Variants in ZNF730 observed in about 807,000 individuals in gnomAD.
The protein encoded by ZNF730 is zinc finger protein 730.
Under a neutral mutation model 12.6 loss-of-function variants are expected in ZNF730, and 12 were observed. The observed-to-expected ratio is 0.95, with a 90% CI of 0.61 to 1.54. ZNF730 has a LOEUF of 1.54. ZNF730 is among the 40% of genes most tolerant of loss of function. The probability of loss-of-function intolerance (pLI) is 0.00; values close to 1 mark genes in which losing one functional copy is unlikely to be tolerated. For missense variants in ZNF730, 643 were observed against 583.5 expected (o/e 1.10, Z -1.05); for synonymous variants, 194 against 195.8 (o/e 0.99, Z 0.08).
intron 1 of ZNF730, among the ~76,000 whole-genome samples, chr19:23,092,877 C>A (rs1479480364): frequency 6.6e-6 from 1 of 152,162 alleles, no homozygotes; most frequent in African/African-American, 2.4e-5. Context: ...ATCAAAGATA[C>A]TTACCTGAAG....
chr19:23,131,562 T>G (rs947322013), intron 1 of ZNF730, among the ~76,000 whole-genome samples: 2 of 152,240 alleles, frequency 1.3e-5, no homozygotes, highest in Non-Finnish European at 2.9e-5. Context: ...GCAAAGATTA[T>G]AATACTTTAA....
At chr19:23,105,982 G>A (rs559140515) in intron 1 of ZNF730, among the ~76,000 whole-genome samples, 1 of 152,296 alleles carries the variant, frequency 6.6e-6, no homozygotes, top group African/African-American at 2.4e-5. Flanking sequence ...TGGCATTGTA[G>A]AAAAAGAAAG....
chr19:23,077,241 G>A (rs1208742093), intron 1 of ZNF730, among the ~76,000 whole-genome samples: 3 of 151,978 alleles, frequency 2.0e-5, no homozygotes, highest in Non-Finnish European at 1.5e-5. Context: ...TCATACCTGG[G>A]TGATGAAATA....
intron 1 of ZNF730, among the ~76,000 whole-genome samples, chr19:23,081,766 T>G (rs143833587): frequency 8.7e-4 from 133 of 152,276 alleles, no homozygotes; most frequent in African/African-American, 3.1e-3. Flanking sequence ...TATCTTTTAT[T>G]TATTTGTTTA....
Position 23,146,854 on chromosome 19 carries a change from A to T in ZNF730, c.*298A>T. ...GCCTTTAACAAATCCTTAATTCTTA[A>T]CAGACATGATTCATACCAGAGAGAA... is the stretch of plus-strand genomic sequence containing the variant. On this transcript the variant is annotated 3_prime_UTR_variant, in exon 4 of 4. Transcript: ENST00000597761. 1.3e-6 allele frequency: 1 copy of T among 747,584 alleles called. No individual in the cohort carries two copies. The highest frequency in any genetic ancestry group is 1.6e-5 in the South Asian group (1 of 62,710). 46.3% of individuals were successfully genotyped at this position (747,584 alleles called of 1,614,324 possible). A position where few individuals can be genotyped will look rare whatever the true frequency, so the allele number is the denominator to read the frequency against.
At chr19:23,088,386 G>C (rs767695659) in intron 1 of ZNF730, among the ~76,000 whole-genome samples, 2 of 152,154 alleles carry the variant, frequency 1.3e-5, no homozygotes, top group Non-Finnish European at 2.9e-5. Context: ...CTGTGGGTTT[G>C]TCATAGATGT....
chr19:23,092,286 A>G (rs1005431650), intron 1 of ZNF730, among the ~76,000 whole-genome samples: 3 of 152,086 alleles, frequency 2.0e-5, no homozygotes, highest in African/African-American at 4.8e-5. Flanking sequence ...AACAGCATGA[A>G]AACAGATTAA....
intron 2 of ZNF730, among the ~76,000 whole-genome samples, chr19:23,135,665 C>G (rs974024716): frequency 1.3e-5 from 2 of 152,104 alleles, no homozygotes; most frequent in Admixed American, 1.3e-4. Flanking sequence ...CGTGTGCCAC[C>G]ACACCTAGCT....
intron 1 of ZNF730, chr19:23,127,502 G>C (rs1970685116): frequency 2.1e-6 from 2 of 973,650 alleles, no homozygotes; most frequent in Middle Eastern, 3.1e-4. Flanking sequence ...ATCAAAATCA[G>C]CTCTTGGTGG....
intron 1 of ZNF730, among the ~76,000 whole-genome samples, chr19:23,129,208 C>G: frequency 6.6e-6 from 1 of 152,192 alleles, no homozygotes; most frequent in Non-Finnish European, 1.5e-5. Context: ...AGAGTCCTTA[C>G]TGGGGCACCG....
At chr19:23,098,352 C>T (rs767469968) in intron 1 of ZNF730, 6 of 152,092 alleles carry the variant, frequency 3.9e-5, no homozygotes, top group Non-Finnish European at 7.4e-5. Context: ...TATGTGAATC[C>T]TCTTCTTCCC....
chr19:23,128,850 G>A (rs453923), intron 1 of ZNF730, among the ~76,000 whole-genome samples: 2 of 152,180 alleles, frequency 1.3e-5, no homozygotes, highest in Non-Finnish European at 2.9e-5. Context: ...AGGCCTAAAA[G>A]AAAAAGACGG....
intron 1 of ZNF730, among the ~76,000 whole-genome samples, chr19:23,075,891 A>G (rs1027445437): frequency 2.0e-5 from 3 of 151,970 alleles, no homozygotes; most frequent in African/African-American, 7.3e-5. Flanking sequence ...CTGGCCTAAT[A>G]TATTAATTTA....
chr19:23,097,016 G>C (rs1413763570), intron 1 of ZNF730, among the ~76,000 whole-genome samples: 2 of 152,098 alleles, frequency 1.3e-5, no homozygotes, highest in Non-Finnish European at 2.9e-5. Flanking sequence ...ACATATCATT[G>C]AGTCCAATGC....
intron 2 of ZNF730, among the ~76,000 whole-genome samples, 154 bp from the exon 3 acceptor site, chr19:23,135,793 GA>G (rs1970822243): frequency 6.6e-6 from 1 of 151,848 alleles, no homozygotes; most frequent in Admixed American, 6.6e-5. Flanking sequence ...TTAAAGGCAT[GA>G]GCCACCGTGC....
At chr19:23,092,919 T>C (rs1970180994) in intron 1 of ZNF730, among the ~76,000 whole-genome samples, 1 of 152,194 alleles carries the variant, frequency 6.6e-6, no homozygotes, top group Non-Finnish European at 1.5e-5. Flanking sequence ...TGTTGGGTTT[T>C]GGTGTGAAGA....
chr19:23,113,389 A>T (rs1358448892), upstream of ZNF730, among the ~76,000 whole-genome samples: 2 of 152,230 alleles, frequency 1.3e-5, no homozygotes, highest in Non-Finnish European at 2.9e-5. Flanking sequence ...TAGAATATAA[A>T]ATTGTCTCTC....
At chr19:23,135,858 A>T (rs1970823526) in intron 2 of ZNF730, 90 bp from the exon 3 acceptor site, 1 of 1,252,226 alleles carries the variant, frequency 8.0e-7, no homozygotes, top group African/African-American at 1.5e-5. Context: ...AATTTACTAG[A>T]ATATTCCATT....
At chr19:23,116,351 T>TTCTTTTCTTTCTC (rs2044461773), upstream of ZNF730, among the ~76,000 whole-genome samples, 1 of 150,718 alleles carries the variant, frequency 6.6e-6, no homozygotes, top group East Asian at 1.9e-4. Context: ...CTTTCCTTAT[T>TTCTTTTCTTTCTC]TCTTTTCTTT....
Sources: allele counts gnomAD v4.1 joint callset (sites outside exome capture counted in the v4.1 genomes callset), GRCh38; gene constraint gnomAD v4.1.1; transcripts MANE v1.5; gene names NCBI Gene and HGNC (gene_info 2026-07-23, HGNC 2026-07-21).